The following STX8 variants were observed in gnomAD, a reference collection of about 807,000 sequenced individuals.
STX8 encodes the protein syntaxin 8, also known as syntaxin-8.
In STX8, 23 loss-of-function variants were observed where a neutral mutation model predicts 37.5. The observed-to-expected ratio is 0.61, with a 90% CI of 0.44 to 0.87. The LOEUF (loss-of-function observed/expected upper bound fraction) is 0.87. Ranked by LOEUF, STX8 falls within the 40% of genes least tolerant of loss-of-function variation. STX8 has a pLI of 0.00. For missense variants in STX8, 313 were observed against 284.7 expected (o/e 1.10, Z -0.71); for synonymous variants, 115 against 99.1 (o/e 1.16, Z -0.95).
chr17:9,540,296 G>A lies in STX8; in HGVS notation c.323+4876C>T, dbSNP rs138446968. Among the ~76,000 whole-genome samples the A allele has an allele frequency of 1.9e-3, 289 of 152,310 alleles. 1 individual carries two copies. Among genetic ancestry groups the A allele is most frequent in the African/African-American group, 6.6e-3 (273 of 41,564 alleles). On this transcript the variant is annotated intron_variant, in intron 4 of 7. Coordinates refer to ENST00000306357, the MANE Select transcript of STX8 (RefSeq NM_004853.3). The stretch of plus-strand genomic sequence containing the variant: ...AGCAACGCTAGCTAGCTGGGTATTT[G>A]TTCTCATGGCCCTTGAGCAGATTTC...
chr17:9,550,055 G>A (rs1222070594), intron 3 of STX8, among the ~76,000 whole-genome samples: 1 of 151,970 alleles, frequency 6.6e-6, no homozygotes, highest in Non-Finnish European at 1.5e-5. Flanking sequence ...AACCCCATCT[G>A]TACTAAAAAA....
chr17:9,453,981 T>C (rs935077642), intron 6 of STX8, among the ~76,000 whole-genome samples: 3 of 152,184 alleles, frequency 2.0e-5, no homozygotes, highest in Non-Finnish European at 4.4e-5. Flanking sequence ...CGCTCTCACA[T>C]GGCTTCAGAC....
chr17:9,301,518 T>C (rs1476179222), intron 7 of STX8, among the ~76,000 whole-genome samples: 1 of 151,994 alleles, frequency 6.6e-6, no homozygotes, highest in Non-Finnish European at 1.5e-5. Context: ...AGTCTCACTC[T>C]GTCGCCCAGG....
At position 9,410,252 on chromosome 17, in the gene STX8, A is replaced by T. The variant is rs1398332507; in HGVS notation, c.542-31599T>A. On this transcript the variant is annotated intron_variant, in intron 6 of 7. Coordinates refer to ENST00000306357, the MANE Select transcript of STX8 (RefSeq NM_004853.3). ...GTCATCATTGCTTATGATTGAGTTA[A>T]TTTCTATTTCAAATTATATCTGCTG... Among the ~76,000 whole-genome samples, 3 of 152,212 alleles carry T rather than the reference A, an allele frequency of 2.0e-5. No individual in the cohort carries two copies. In the East Asian group the frequency reaches 5.8e-4, roughly 29 times the overall value.
chr17:9,519,753 G>C (rs1313524508), intron 4 of STX8, among the ~76,000 whole-genome samples: 1 of 39,482 alleles, frequency 2.5e-5, no homozygotes, highest in Admixed American at 2.9e-4. Flanking sequence ...CTCAGACAAA[G>C]GCAAAACTTT....
intron 4 of STX8, among the ~76,000 whole-genome samples, chr17:9,536,704 T>C (rs1906071795): frequency 6.6e-6 from 1 of 152,094 alleles, no homozygotes; most frequent in African/African-American, 2.4e-5. Context: ...ACATTTCCCC[T>C]TCCTGAGTAA....
At chr17:9,306,314 G>A (rs549480130) in intron 7 of STX8, among the ~76,000 whole-genome samples, 11 of 152,200 alleles carry the variant, frequency 7.2e-5, no homozygotes, top group Middle Eastern at 6.8e-3. Context: ...GTTGTTAAGC[G>A]AAACAGACCT....
At chr17:9,264,156 C>T (rs1358333076) in intron 7 of STX8, among the ~76,000 whole-genome samples, 2 of 152,230 alleles carry the variant, frequency 1.3e-5, no homozygotes, top group African/African-American at 4.8e-5. Flanking sequence ...GCCAGCCCCA[C>T]TGGGTTCCAG....
chr17:9,478,727 A>G (rs904985466), intron 6 of STX8, among the ~76,000 whole-genome samples: 1 of 152,162 alleles, frequency 6.6e-6, no homozygotes, highest in Non-Finnish European at 1.5e-5. Flanking sequence ...GCTGTTTTCC[A>G]GCCACATTAT....
At chr17:9,484,310 G>A (rs1011588217) in intron 6 of STX8, among the ~76,000 whole-genome samples, 1 of 151,380 alleles carries the variant, frequency 6.6e-6, no homozygotes, top group African/African-American at 2.4e-5. Flanking sequence ...GCTATGACTA[G>A]GGAAATACAG....
chr17:9,392,830 A>T (rs998293634), intron 6 of STX8, among the ~76,000 whole-genome samples: 2 of 152,232 alleles, frequency 1.3e-5, no homozygotes, highest in Non-Finnish European at 2.9e-5. Context: ...TTCCAATAAA[A>T]ATGAATAGAG....
intron 7 of STX8, among the ~76,000 whole-genome samples, chr17:9,256,021 G>A (rs1906783933): frequency 6.6e-6 from 1 of 152,218 alleles, no homozygotes; most frequent in Admixed American, 6.5e-5. Context: ...GCCAGGGAAA[G>A]CTGAGCCACA....
intron 7 of STX8, among the ~76,000 whole-genome samples, chr17:9,323,977 G>A (rs562050910): frequency 2.0e-5 from 3 of 152,178 alleles, no homozygotes; most frequent in South Asian, 2.1e-4. Context: ...GGGCGGAGAG[G>A]CATCGGTCCT....
At chr17:9,428,197 G>A (rs1421910109) in intron 6 of STX8, among the ~76,000 whole-genome samples, 1 of 152,124 alleles carries the variant, frequency 6.6e-6, no homozygotes, top group African/African-American at 2.4e-5. Context: ...TGACAATTCA[G>A]GCAAGTCTTT....
intron 6 of STX8, among the ~76,000 whole-genome samples, chr17:9,489,296 A>G (rs1906744085): frequency 6.6e-6 from 1 of 152,186 alleles, no homozygotes. Context: ...GAAAACAACA[A>G]CAAAAAAGAA....
intron 7 of STX8, among the ~76,000 whole-genome samples, chr17:9,313,752 T>C (rs1909274674): frequency 6.6e-6 from 1 of 152,190 alleles, no homozygotes. Flanking sequence ...TGCCTCAGCC[T>C]CCTGAGTAGC....
At chr17:9,344,449 C>T (rs144829320) in intron 7 of STX8, among the ~76,000 whole-genome samples, 32 of 152,124 alleles carry the variant, frequency 2.1e-4, no homozygotes, top group Non-Finnish European at 3.5e-4. Context: ...TTAGTAGAGA[C>T]GGGGTTTCGC....
chr17:9,394,124 A>T (rs1912318526), intron 6 of STX8, among the ~76,000 whole-genome samples: 1 of 152,188 alleles, frequency 6.6e-6, no homozygotes, highest in Non-Finnish European at 1.5e-5. Context: ...CAAAACAAAG[A>T]AAAAACCCAC....
intron 7 of STX8, chr17:9,273,306 C>G (rs1034715517): frequency 3.9e-5 from 6 of 152,258 alleles, no homozygotes; most frequent in Non-Finnish European, 8.8e-5. Context: ...CCCAATTCTC[C>G]TTTTTGGGTC....
Sources: gnomAD v4.1 joint callset for allele counts (sites outside exome capture counted in the v4.1 genomes callset) on GRCh38, gnomAD v4.1.1 for gene constraint, MANE v1.5 for transcripts, NCBI Gene and HGNC (gene_info 2026-07-23, HGNC 2026-07-21) for gene names.